SLC39A11: variants seen among roughly 807,000 people sequenced by gnomAD.
SLC39A11 encodes the protein zinc transporter ZIP11.
SLC39A11 carries 33 observed loss-of-function variants against 36.1 expected under a neutral mutation model. The observed-to-expected ratio is 0.91, with a 90% CI of 0.69 to 1.22. SLC39A11 has a LOEUF of 1.22. SLC39A11 is among the 50% of genes most tolerant of loss of function. SLC39A11 has a pLI of 0.00. For missense variants in SLC39A11, 432 were observed against 430.3 expected (o/e 1.00, Z -0.03); for synonymous variants, 166 against 170.3 (o/e 0.97, Z 0.20).
chr17:72,970,300 C>T (rs1182450533), intron 4 of SLC39A11, among the ~76,000 whole-genome samples: 1 of 152,176 alleles, frequency 6.6e-6, no homozygotes, highest in Non-Finnish European at 1.5e-5. Context: ...GAACTTTCTG[C>T]TTCTCATGGT....
intron 3 of SLC39A11, among the ~76,000 whole-genome samples, chr17:73,044,467 T>C (rs773158361): frequency 9.2e-5 from 14 of 152,190 alleles, no homozygotes; most frequent in Non-Finnish European, 1.3e-4. Flanking sequence ...TACTACACGA[T>C]TCCTTTTAAG....
At position 72,962,826 on chromosome 17, in the gene SLC39A11, C is replaced by T. The variant is rs139756676; in HGVS notation, c.307-14951G>A. The stretch of plus-strand genomic sequence containing the variant: ...TGCTGGGATTACAGGCGTGAGCCAT[C>T]GGGCCCGGCCAGCCCTTAGGTTCCT... On this transcript the variant is annotated intron_variant, in intron 4 of 9. Transcript: ENST00000255559. Among the ~76,000 whole-genome samples, 393 of 152,274 alleles carry T rather than the reference C, an allele frequency of 2.6e-3. 3 individuals carry two copies. Among genetic ancestry groups the T allele is most frequent in the African/African-American group, 8.8e-3 (367 of 41,554 alleles).
chr17:72,746,258 G>A (rs1444540354), intron 6 of SLC39A11, among the ~76,000 whole-genome samples: 1 of 152,136 alleles, frequency 6.6e-6, no homozygotes, highest in Admixed American at 6.6e-5. Context: ...AGTTCTAGGA[G>A]CAAGGCTGAA....
chr17:72,757,820 A>C (rs1353400606), intron 6 of SLC39A11, among the ~76,000 whole-genome samples: 1 of 152,054 alleles, frequency 6.6e-6, no homozygotes, highest in East Asian at 1.9e-4. Flanking sequence ...GAGTGTATCC[A>C]CCGTGGTGTC....
At chr17:72,751,647 A>G (rs2567547) in intron 6 of SLC39A11, among the ~76,000 whole-genome samples, 25,433 of 151,760 alleles carry the variant, frequency 0.17, 3,434 homozygotes, top group East Asian at 0.36. Context: ...GCATGATCTC[A>G]GCTCACTGCA....
At chr17:72,869,649 A>G (rs1285932403) in intron 5 of SLC39A11, among the ~76,000 whole-genome samples, 2 of 152,198 alleles carry the variant, frequency 1.3e-5, no homozygotes, top group African/African-American at 2.4e-5. Flanking sequence ...TCGGCCTCCC[A>G]AAGTGCTGGG....
chr17:72,736,689 G>GC lies in SLC39A11; in HGVS notation c.631dup (p.Ala211GlyfsTer11). The GC allele has an allele frequency of 6.2e-7, 1 of 1,613,994 alleles. No individual in the cohort carries two copies. The highest frequency in any genetic ancestry group is 8.5e-7 in the Non-Finnish European group (1 of 1,179,954). On this transcript the variant is annotated frameshift_variant, in exon 7 of 10. Coordinates refer to ENST00000255559, the MANE Select transcript of SLC39A11 (RefSeq NM_139177.4). LOFTEE classifies it high-confidence loss of function. ...GGTAGCAGATGCCGTCTTTTCTATAGCCCCAAATCCAACTCCAACAGCGAG... is the reference window on the plus strand; with the variant it reads ...GGTAGCAGATGCCGTCTTTTCTATAGCCCCCAAATCCAACTCCAACAGCGAG...
intron 7 of SLC39A11, among the ~76,000 whole-genome samples, chr17:72,669,030 A>G (rs565421752): frequency 6.6e-6 from 1 of 152,380 alleles, no homozygotes; most frequent in East Asian, 1.9e-4. Flanking sequence ...ACAAATCCAT[A>G]AAGGACATTG....
chr17:73,033,784 A>G (rs1221049106), intron 3 of SLC39A11, among the ~76,000 whole-genome samples: 1 of 152,212 alleles, frequency 6.6e-6, no homozygotes, highest in Non-Finnish European at 1.5e-5. Context: ...TGCATCACCC[A>G]TCTTCAAAAT....
chr17:72,716,650 G>A (rs1283957176), intron 7 of SLC39A11, among the ~76,000 whole-genome samples: 2 of 152,044 alleles, frequency 1.3e-5, no homozygotes, highest in African/African-American at 4.8e-5. Context: ...CACATGCAGA[G>A]GCACAGAGAA....
At chr17:72,962,923 T>C (rs2086708223) in intron 4 of SLC39A11, among the ~76,000 whole-genome samples, 1 of 152,116 alleles carries the variant, frequency 6.6e-6, no homozygotes, top group African/African-American at 2.4e-5. Flanking sequence ...CACACAGCTG[T>C]TAGCTTCTGC....
At chr17:72,710,129 TATC>T (rs1206208685) in intron 7 of SLC39A11, among the ~76,000 whole-genome samples, 1 of 152,212 alleles carries the variant, frequency 6.6e-6, no homozygotes, top group Non-Finnish European at 1.5e-5. Flanking sequence ...AGGGAGAATA[TATC>T]ATTTTTCTTT....
Position 72,751,520 on chromosome 17 carries a change from T to C in SLC39A11, c.602-14801A>G, listed in dbSNP as rs116632357. Among the ~76,000 whole-genome samples the C allele has an allele frequency of 2.2e-3, 340 of 152,324 alleles. 1 individual carries two copies. The highest frequency in any genetic ancestry group is 7.7e-3 in the African/African-American group (322 of 41,574). ...CATCTTCCTCATTTTTAAGTGTACA[T>C]TCATTGGCATTAAGTGCAATCACTT... On this transcript the variant is annotated intron_variant, in intron 6 of 9. Coordinates refer to ENST00000255559, the MANE Select transcript of SLC39A11 (RefSeq NM_139177.4).
intron 3 of SLC39A11, among the ~76,000 whole-genome samples, chr17:73,037,235 G>A (rs748980427): frequency 1.3e-5 from 2 of 152,138 alleles, no homozygotes; most frequent in Admixed American, 6.5e-5. Context: ...CATTCATTTC[G>A]GTAAATAAGG....
chr17:72,959,208 C>T (rs116375293), intron 4 of SLC39A11, among the ~76,000 whole-genome samples: 6,823 of 151,506 alleles, frequency 0.045, 180 homozygotes, highest in Non-Finnish European at 0.063. Context: ...GAAAAAGATA[C>T]TTGCACATGC....
At chr17:73,047,150 G>A (rs976912646) in intron 3 of SLC39A11, among the ~76,000 whole-genome samples, 9 of 150,786 alleles carry the variant, frequency 6.0e-5, no homozygotes, top group African/African-American at 1.2e-4. Flanking sequence ...TCAGCCTCCC[G>A]AGTAGCTGGG....
Position 72,677,035 on chromosome 17 carries a change from G to A in SLC39A11, c.672-27767C>T, listed in dbSNP as rs558289592. The stretch of plus-strand genomic sequence containing the variant: ...TCTCACTAGAATACATCTCAGCTGT[G>A]ACTATGTGCTGAGTCTTGTGAGTCC... On this transcript the variant is annotated intron_variant, in intron 7 of 9. Transcript: ENST00000255559. Among the ~76,000 whole-genome samples the A allele has an allele frequency of 1.1e-4, 17 of 152,294 alleles. No individual in the cohort carries two copies. In the South Asian group the frequency reaches 2.3e-3, roughly 20 times the overall value.
intron 7 of SLC39A11, among the ~76,000 whole-genome samples, chr17:72,701,289 G>A (rs985340719): frequency 1.1e-4 from 16 of 152,220 alleles, no homozygotes; most frequent in African/African-American, 3.6e-4. Context: ...GATCTATGGA[G>A]GACAAAAACT....
At chr17:72,719,793 C>T (rs532233872) in intron 7 of SLC39A11, among the ~76,000 whole-genome samples, 4 of 152,196 alleles carry the variant, frequency 2.6e-5, no homozygotes, top group South Asian at 2.1e-4. Context: ...CAATCCCTGT[C>T]GCCAGGGACT....
Sources: allele counts gnomAD v4.1 joint callset (sites outside exome capture counted in the v4.1 genomes callset), GRCh38; gene constraint gnomAD v4.1.1; transcripts MANE v1.5; gene names NCBI Gene and HGNC (gene_info 2026-07-23, HGNC 2026-07-21).